RGPD4: variants seen among roughly 807,000 people sequenced by gnomAD.
The protein encoded by RGPD4 is RANBP2 like and GRIP domain containing 4, also known as ranBP2-like and GRIP domain-containing protein 4.
RGPD4 carries 84 observed loss-of-function variants against 141.1 expected under a neutral mutation model. The observed-to-expected ratio is 0.60, with a 90% CI of 0.50 to 0.71. The LOEUF is 0.71. RGPD4 is among the 30% of genes least tolerant of loss of function. The pLI is 0.00. For missense variants in RGPD4, 918 were observed against 1,622.4 expected, an observed-to-expected ratio of 0.57 and a Z score of 7.46; for synonymous variants, 298 against 566.8, an observed-to-expected ratio of 0.53 and a Z score of 6.74.
rs567990987 is a variant in RGPD4 at position 107,834,248 on chromosome 2, G to C, written c.73-2354G>C. On this transcript the variant is annotated intron_variant, in intron 1 of 22. Transcript: ENST00000408999. ...CCAGGCATTTTTTTCATTTAGATGC[G>C]ATTGTAAATGGAATTGCTTTCTTAA... Among the ~76,000 whole-genome samples, 42 of 149,984 alleles carry C rather than the reference G, an allele frequency of 2.8e-4. 2 individuals are homozygous for C. In the South Asian group the frequency reaches 9.0e-3, roughly 32 times the overall value.
At chr2:107,877,104 T>C (rs1683112044) in intron 20 of RGPD4, among the ~76,000 whole-genome samples, 1 of 151,866 alleles carries the variant, frequency 6.6e-6, no homozygotes, top group South Asian at 2.1e-4. Flanking sequence ...CCAGGTGTGG[T>C]GTCTCACCCC....
chr2:107,827,478 G>A (rs1324095818), intron 1 of RGPD4, among the ~76,000 whole-genome samples: 3 of 34,894 alleles, frequency 8.6e-5, no homozygotes, highest in African/African-American at 5.1e-4. Flanking sequence ...GCTCCCTGGC[G>A]CGCTCTGTTG....
At chr2:107,873,561 G>A (rs1324095021) in intron 20 of RGPD4, among the ~76,000 whole-genome samples, 8 of 129,758 alleles carry the variant, frequency 6.2e-5, no homozygotes, top group African/African-American at 2.2e-4. Context: ...CTGAGTGACT[G>A]AGACTTTGTC....
intron 22 of RGPD4, among the ~76,000 whole-genome samples, chr2:107,884,093 T>G (rs934612415): frequency 1.6e-4 from 25 of 151,860 alleles, no homozygotes; most frequent in African/African-American, 5.3e-4. Flanking sequence ...TTGATGTTCC[T>G]TAAGCTTTAT....
chr2:107,863,731 G>A (rs997852208), intron 17 of RGPD4, among the ~76,000 whole-genome samples: 63 of 151,894 alleles, frequency 4.1e-4, no homozygotes, highest in African/African-American at 6.5e-4. Flanking sequence ...GACCTCAGGC[G>A]ATCTGCCCGC....
rs2580970 is a variant in RGPD4, at chr2:107,871,373, G to C, written c.3369G>C (p.Leu1123=). 0.35 allele frequency: 363,573 copies of C among 1,027,546 alleles called. 128,636 individuals carry two copies. Among genetic ancestry groups the C allele is most frequent in the African/African-American group, 0.56 (22,798 of 40,976 alleles). 63.7% of individuals were successfully genotyped at this position (1,027,546 alleles called of 1,614,324 possible). A position where few individuals can be genotyped will look rare whatever the true frequency, so the allele number is the denominator to read the frequency against. The change falls in exon 20 of 23, where the codon CTG becomes CTC. Residue 1123 remains leucine (L), a synonymous_variant. Coordinates refer to ENST00000408999, the MANE Select transcript of RGPD4 (RefSeq NM_182588.3). ...WITTTMNLKP[L]SGSDRAWMWS... ...CGACTACAATGAACCTGAAGCCCCT[G>C]TCTGGATCAGATAGAGCATGGATGT... is the stretch of plus-strand genomic sequence containing the variant.
intron 7 of RGPD4, among the ~76,000 whole-genome samples, chr2:107,849,047 C>A (rs1321598085): frequency 8.4e-6 from 1 of 119,050 alleles, no homozygotes; most frequent in Non-Finnish European, 1.7e-5. Context: ...AAAACCTTTT[C>A]TTATTTTTTA....
At chr2:107,853,997 C>T (rs920979999) in intron 7 of RGPD4, among the ~76,000 whole-genome samples, 7 of 146,904 alleles carry the variant, frequency 4.8e-5, no homozygotes, top group African/African-American at 1.5e-4. Flanking sequence ...GATCCCCCCA[C>T]CTTGGCCTCC....
chr2:107,874,165 G>C (rs3868036), intron 20 of RGPD4, among the ~76,000 whole-genome samples: 19 of 151,334 alleles, frequency 1.3e-4, no homozygotes, highest in Admixed American at 2.0e-4. Context: ...TAATGTTTAT[G>C]TTTAGCCACT....
chr2:107,884,391 C>CT, intron 22 of RGPD4, among the ~76,000 whole-genome samples: 1 of 152,110 alleles, frequency 6.6e-6, no homozygotes, highest in Non-Finnish European at 1.5e-5. Flanking sequence ...TGAGACACCA[C>CT]GCCCGGCCAT....
intron 18 of RGPD4, chr2:107,867,660 CAA>C: frequency 1.6e-6 from 1 of 621,186 alleles, no homozygotes; most frequent in African/African-American, 1.9e-5. Context: ...TGTTCTTATA[CAA>C]GCATGTAAAT....
At position 107,880,021 on chromosome 2, in the gene RGPD4, A is replaced by C. The variant is rs544437177; in HGVS notation, c.4978A>C (p.Ser1660Arg). Residue 1660 changes from serine to arginine, a missense_variant, in exon 21 of 23, where the codon AGT (serine) becomes CGT (arginine). By Grantham distance (110) the Ser-to-Arg change is moderately radical. Transcript: ENST00000408999. ...CAAAGAAGAATTGGTTCAGAAGCTC[A>C]GTTCCACCACAAAAAGTGCAGATCA... ...FTKEELVQKL[S>R]STTKSADHLN... 32 of 1,611,394 alleles carry C rather than the reference A, an allele frequency of 2.0e-5. No homozygotes were observed. In the East Asian group the frequency reaches 2.9e-4, roughly 15 times the overall value.
intron 22 of RGPD4, among the ~76,000 whole-genome samples, chr2:107,889,114 CA>C (rs1675582929): frequency 6.7e-6 from 1 of 150,364 alleles, no homozygotes; most frequent in African/African-American, 2.5e-5. Context: ...GTCAAACTGT[CA>C]TACATATATA....
chr2:107,883,393 A>G (rs1325146433), intron 22 of RGPD4, among the ~76,000 whole-genome samples: 3 of 151,544 alleles, frequency 2.0e-5, no homozygotes. Flanking sequence ...CCACTTTGGG[A>G]GGCCGAGGCA....
At chr2:107,888,725 A>G (rs1284624151) in intron 22 of RGPD4, among the ~76,000 whole-genome samples, 1 of 92,552 alleles carries the variant, frequency 1.1e-5, no homozygotes, top group East Asian at 2.1e-4. Flanking sequence ...CTCTGCTTGC[A>G]CACTTTGTTG....
intron 21 of RGPD4, among the ~76,000 whole-genome samples, chr2:107,882,074 T>C (rs1440086134): frequency 1.3e-5 from 2 of 151,914 alleles, no homozygotes; most frequent in South Asian, 2.1e-4. Flanking sequence ...TACCAACCCA[T>C]GGCTCCAGTT....
At chr2:107,877,961 T>C (rs1683137282) in intron 20 of RGPD4, among the ~76,000 whole-genome samples, 2 of 151,354 alleles carry the variant, frequency 1.3e-5, no homozygotes, top group Admixed American at 1.3e-4. Flanking sequence ...TACAGGCACC[T>C]GCCACCGTGC....
intron 1 of RGPD4, among the ~76,000 whole-genome samples, chr2:107,830,343 T>TAAAAAAAAAAA (rs10547790): frequency 7.1e-6 from 1 of 140,572 alleles, no homozygotes. Flanking sequence ...TAAACAAGCT[T>TAAAAAAAAAAA]AAAAAAAAAA....
At chr2:107,830,126 A>G (rs943979004) in intron 1 of RGPD4, among the ~76,000 whole-genome samples, 2 of 149,012 alleles carry the variant, frequency 1.3e-5, no homozygotes, top group African/African-American at 2.5e-5. Flanking sequence ...CCTCATACTC[A>G]CCTCCCTCGC....
Sources: allele counts gnomAD v4.1 joint callset (sites outside exome capture counted in the v4.1 genomes callset), GRCh38; gene constraint gnomAD v4.1.1; transcripts MANE v1.5; gene names NCBI Gene and HGNC (gene_info 2026-07-23, HGNC 2026-07-21).